The following APPL2 variants were observed in gnomAD, a reference collection of about 807,000 sequenced individuals.
APPL2 encodes adaptor protein, phosphotyrosine interacting with PH domain and leucine zipper 2.
Under a neutral mutation model 92.7 loss-of-function variants are expected in APPL2, and 84 were observed. The ratio of observed to expected loss-of-function variants is 0.91; its 90% CI spans 0.76 to 1.09. APPL2 has a LOEUF of 1.09. APPL2 is among the 50% of genes least tolerant of loss of function. APPL2 has a pLI of 0.00. For synonymous variants in APPL2, 291 were observed against 291.0 expected, an observed-to-expected ratio of 1.00 and a Z score of 0.00; for missense variants, 736 against 824.5, an observed-to-expected ratio of 0.89 and a Z score of 1.31.
chr12:105,186,699 C>CATATCATATAT (rs72474692), intron 17 of APPL2, among the ~76,000 whole-genome samples: 4 of 134,546 alleles, frequency 3.0e-5, no homozygotes, highest in African/African-American at 6.1e-5. Flanking sequence ...TATCATATAT[C>CATATCATATAT]ATATCATATA....
intron 1 of APPL2, among the ~76,000 whole-genome samples, chr12:105,234,179 G>C (rs189767966): frequency 5.9e-4 from 90 of 152,312 alleles, no homozygotes; most frequent in African/African-American, 2.1e-3. Context: ...TATTAAATAA[G>C]AATGATAATA....
chr12:105,214,691 C>G (rs568843041), intron 4 of APPL2, among the ~76,000 whole-genome samples: 1 of 152,330 alleles, frequency 6.6e-6, no homozygotes, highest in South Asian at 2.1e-4. Context: ...GTTTCTGACA[C>G]AGAGATCCTA....
In APPL2 at chr12:105,208,142, T is replaced by C; in HGVS notation, c.415+16A>G. 10 of 1,614,166 alleles carry C rather than the reference T, an allele frequency of 6.2e-6. No homozygotes were observed. Among genetic ancestry groups the C allele is most frequent in the Non-Finnish European group, 8.5e-6 (10 of 1,179,988 alleles). Reference sequence around the variant, plus strand: ...AGCCCACACACCCACACACCAGGAATGGAGAAGGTGCCTACCATTGCTAGC... The same window carrying C: ...AGCCCACACACCCACACACCAGGAACGGAGAAGGTGCCTACCATTGCTAGC... On this transcript the variant is annotated intron_variant, in intron 6 of 20. Coordinates refer to ENST00000258530, the MANE Select transcript of APPL2 (RefSeq NM_018171.5).
chr12:105,184,679 A>G (rs1262784164), intron 17 of APPL2, among the ~76,000 whole-genome samples: 1 of 152,166 alleles, frequency 6.6e-6, no homozygotes, highest in Non-Finnish European at 1.5e-5. Flanking sequence ...CTCCTGTATG[A>G]GGTGTCTGTC....
In APPL2 at chr12:105,195,014, G is replaced by C. The variant is rs532442051; in HGVS notation, c.1241+247C>G. 5.0e-3 allele frequency among the ~76,000 whole-genome samples: 754 copies of C among 152,280 alleles called. 3 individuals carry two copies. The highest frequency in any genetic ancestry group is 0.017 in the African/African-American group (696 of 41,550). Reference sequence around the variant, plus strand: ...CATGCACGTCCTGTTTGCTTGGACTGCAGCAGCATGGTCCAGTGGAAAGGA... The same window carrying C: ...CATGCACGTCCTGTTTGCTTGGACTCCAGCAGCATGGTCCAGTGGAAAGGA... On this transcript the variant is annotated intron_variant, in intron 14 of 20. Coordinates refer to ENST00000258530, the MANE Select transcript of APPL2 (RefSeq NM_018171.5).
chr12:105,181,637 G>A (rs1304971742), intron 17 of APPL2, among the ~76,000 whole-genome samples: 1 of 152,106 alleles, frequency 6.6e-6, no homozygotes, highest in African/African-American at 2.4e-5. Context: ...CTCAATTTCA[G>A]AACTTGTTAT....
Position 105,197,962 on chromosome 12 carries a change from T to A in APPL2, c.864-9A>T. 6.2e-7 allele frequency: 1 copy of A among 1,611,880 alleles called. No individual in the cohort carries two copies. Among genetic ancestry groups the A allele is most frequent in the Non-Finnish European group, 8.5e-7 (1 of 1,178,958 alleles). Reference sequence around the variant, plus strand: ...TGACCAGCCCTGTTTTGCTGTGAGTTGTGTTTTAAAAAGCCCATTAGTACC... The same window carrying A: ...TGACCAGCCCTGTTTTGCTGTGAGTAGTGTTTTAAAAAGCCCATTAGTACC... On this transcript the variant is annotated splice_polypyrimidine_tract_variant and intron_variant, in intron 10 of 20. Coordinates refer to ENST00000258530, the MANE Select transcript of APPL2 (RefSeq NM_018171.5).
intron 20 of APPL2, among the ~76,000 whole-genome samples, chr12:105,175,087 TTGGCCAGGC>T (rs1885395236): frequency 6.6e-6 from 1 of 152,202 alleles, no homozygotes; most frequent in African/African-American, 2.4e-5. Flanking sequence ...TTTCACCATG[TTGGCCAGGC>T]TGGTCTTGAA....
chr12:105,194,754 G>C (rs1887495060), intron 14 of APPL2, among the ~76,000 whole-genome samples: 2 of 147,124 alleles, frequency 1.4e-5, no homozygotes, highest in Non-Finnish European at 3.0e-5. Context: ...TTACTAAAAG[G>C]AACAATTCTG....
At chr12:105,190,453 A>C (rs1330615778) in intron 14 of APPL2, among the ~76,000 whole-genome samples, 1 of 152,184 alleles carries the variant, frequency 6.6e-6, no homozygotes, top group Non-Finnish European at 1.5e-5. Flanking sequence ...TGCTATAGCT[A>C]AGTCATATGT....
chr12:105,225,672 A>G (rs1450834147), intron 2 of APPL2, among the ~76,000 whole-genome samples: 2 of 152,212 alleles, frequency 1.3e-5, no homozygotes, highest in African/African-American at 2.4e-5. Flanking sequence ...AGGACCCACA[A>G]TGGACTATTG....
At chr12:105,200,501 G>C (rs1010302390) in intron 9 of APPL2, among the ~76,000 whole-genome samples, 2 of 152,242 alleles carry the variant, frequency 1.3e-5, no homozygotes, top group African/African-American at 4.8e-5. Context: ...TTAGCCCCTG[G>C]CTTTCATGGA....
chr12:105,207,576 G>A (rs1253591303), intron 7 of APPL2, among the ~76,000 whole-genome samples: 1 of 152,206 alleles, frequency 6.6e-6, no homozygotes, highest in Non-Finnish European at 1.5e-5. Context: ...TGTAACAGAA[G>A]TAAAAAGTTA....
intron 1 of APPL2, among the ~76,000 whole-genome samples, chr12:105,233,787 C>T (rs1439411827): frequency 1.3e-5 from 2 of 152,188 alleles, no homozygotes; most frequent in African/African-American, 4.8e-5. Context: ...TTCTCTGCTC[C>T]TTAGTTATTT....
intron 2 of APPL2, among the ~76,000 whole-genome samples, chr12:105,219,171 C>T (rs1230751460): frequency 6.6e-6 from 1 of 152,194 alleles, no homozygotes; most frequent in Non-Finnish European, 1.5e-5. Context: ...AGGCTAAGTC[C>T]TGAGCTCTGC....
At chr12:105,229,531 A>C in intron 1 of APPL2, 1 of 1,030,764 alleles carries the variant, frequency 9.7e-7, no homozygotes, top group African/African-American at 1.7e-5. Context: ...CCCCTACCTA[A>C]GCACCAGTAA....
At chr12:105,199,296 G>A (rs2135973974) in intron 10 of APPL2, 77 bp downstream of exon 10, 2 of 1,519,836 alleles carry the variant, frequency 1.3e-6, no homozygotes, top group Non-Finnish European at 1.8e-6. Context: ...ACTTTAATGA[G>A]GCACGTAAGA....
At chr12:105,200,036 G>GTGTTT (rs1888026476) in intron 9 of APPL2, among the ~76,000 whole-genome samples, 2 of 150,572 alleles carry the variant, frequency 1.3e-5, no homozygotes, top group Non-Finnish European at 3.0e-5. Context: ...GGGTTTCACC[G>GTGTTT]TGTTCGCCAG....
chr12:105,214,194 A>G (rs1333190965), intron 4 of APPL2, among the ~76,000 whole-genome samples: 17 of 152,190 alleles, frequency 1.1e-4, no homozygotes, highest in Admixed American at 9.8e-4. Context: ...CTCAAAAAAT[A>G]AAAAAATAAA....
Sources: gnomAD v4.1 joint callset for allele counts (sites outside exome capture counted in the v4.1 genomes callset) on GRCh38, gnomAD v4.1.1 for gene constraint, MANE v1.5 for transcripts, NCBI Gene and HGNC (gene_info 2026-07-23, HGNC 2026-07-21) for gene names.